ZNF597: variants seen among roughly 807,000 people sequenced by gnomAD.
The protein encoded by ZNF597 is zinc finger protein 597.
In ZNF597, 5 loss-of-function variants were observed where a neutral mutation model predicts 7.3. The ratio of observed to expected loss-of-function variants is 0.68; its 90% confidence interval spans 0.36 to 1.44. The LOEUF (loss-of-function observed/expected upper bound fraction) is 1.44, where lower values mean the gene tolerates loss of function less well. Ranked by LOEUF, ZNF597 falls within the 40% of genes most tolerant of loss-of-function variation. The pLI, the probability that ZNF597 is intolerant of heterozygous loss-of-function variation, is 0.04. For synonymous variants in ZNF597, 209 were observed against 185.4 expected (o/e 1.13, Z -1.04); for missense variants, 585 against 517.9 (o/e 1.13, Z -1.26).
Position 3,436,987 on chromosome 16 carries a change from TCTC to T in ZNF597, c.709_711del (p.Glu237del). 6.2e-7 allele frequency: 1 copy of T among 1,614,214 alleles called. No homozygotes were observed. The highest frequency in any genetic ancestry group is 8.5e-7 in the Non-Finnish European group (1 of 1,180,044). ...CCACATATGCTACATGTATAGGGCT[TCTC>T]CTTTACGTGGCTATTCATGTGTCGG... On this transcript the variant is annotated inframe_deletion, in exon 4 of 4. Transcript: ENST00000301744.
chr16:3,433,688 C>T lies in ZNF597; in HGVS notation c.*2736G>A, dbSNP rs2034274441. 1 of 152,192 alleles carries T rather than the reference C, an allele frequency of 6.6e-6. No individual in the cohort carries two copies. The highest frequency in any genetic ancestry group is 2.4e-5 in the African/African-American group (1 of 41,450). The allele number at this position is 152,192 out of a possible 1,614,324, so 9.4% of individuals were successfully genotyped here. A position where few individuals can be genotyped will look rare whatever the true frequency, so the allele number is the denominator to read the frequency against. On this transcript the variant is annotated 3_prime_UTR_variant, in exon 4 of 4. Coordinates refer to ENST00000301744, the MANE Select transcript of ZNF597 (RefSeq NM_152457.3). ...TCATCATAAAAAGCCTGAAGCTCAC[C>T]AGCAGATATATCTTTTCCTTCAATT...
rs2034368516 is a variant in ZNF597, at chr16:3,441,427, C to T, written c.34-494G>A. Among the ~76,000 whole-genome samples, 3 of 152,170 alleles carry T rather than the reference C, an allele frequency of 2.0e-5. No individual in the cohort carries two copies. In the South Asian group the frequency reaches 6.2e-4, roughly 32 times the overall value. On this transcript the variant is annotated intron_variant, in intron 2 of 3. Coordinates refer to ENST00000301744, the MANE Select transcript of ZNF597 (RefSeq NM_152457.3). ...TAAGGCTGGGCACAGTGGCTCACGCCTGTAACCCCAGCACTTTGGAAGGTG... is the reference window on the plus strand; with the variant it reads ...TAAGGCTGGGCACAGTGGCTCACGCTTGTAACCCCAGCACTTTGGAAGGTG...
At chr16:3,440,404 G>C (rs922887856) in intron 3 of ZNF597, among the ~76,000 whole-genome samples, 1 of 152,196 alleles carries the variant, frequency 6.6e-6, no homozygotes, top group Non-Finnish European at 1.5e-5. Context: ...GGGAGGCCGA[G>C]GCGGGTGATC....
In ZNF597 at chr16:3,437,263, C is replaced by A; in HGVS notation, c.436G>T (p.Asp146Tyr). 1 of 1,614,184 alleles carries A rather than the reference C, an allele frequency of 6.2e-7. No homozygotes were observed. The highest frequency in any genetic ancestry group is 1.1e-5 in the South Asian group (1 of 91,086). The change falls in exon 4 of 4, where the codon GAT becomes TAT. Residue 146 changes from aspartate to tyrosine, a missense_variant. Asp to Tyr is a radical substitution (Grantham distance 160). Coordinates refer to ENST00000301744, the MANE Select transcript of ZNF597 (RefSeq NM_152457.3). The stretch of plus-strand genomic sequence containing the variant: ...TTTTTGGCTCCTTCCCAGGGAGAAT[C>A]AAGAATTTCAGAAAGTGTGTTGGTT... ...LGTNTLSEIL[D>Y]SPWEGAKNVY...
At chr16:3,443,300 C>A (rs559596695) in intron 1 of ZNF597, 60 bp downstream of exon 1, 19 of 762,168 alleles carry the variant, frequency 2.5e-5, no homozygotes, top group East Asian at 1.2e-4. Context: ...CGAACCCCCC[C>A]TTAAAAACCT....
chr16:3,437,069 T>C lies in ZNF597; in HGVS notation c.630A>G (p.Lys210=), dbSNP rs1285220265. The stretch of plus-strand genomic sequence containing the variant: ...CACTGCACTTGGCACACTTATAAGG[T>C]TTCTCACCAGTATGGATTCTCCTGT... The part of the protein sequence containing the change: ...RTHRRIHTGE[K]PYKCAKCSAS... The change falls in exon 4 of 4, where the codon AAA becomes AAG. Residue 210 remains lysine, a synonymous_variant. Transcript: ENST00000301744. The C allele has an allele frequency of 6.2e-7, 1 of 1,614,000 alleles. No individual in the cohort carries two copies. Among genetic ancestry groups the C allele is most frequent in the Non-Finnish European group, 8.5e-7 (1 of 1,180,034 alleles).
intron 2 of ZNF597, among the ~76,000 whole-genome samples, chr16:3,442,446 C>A (rs912020086): frequency 2.0e-5 from 3 of 152,116 alleles, no homozygotes; most frequent in African/African-American, 7.2e-5. Context: ...GAGACCGAGG[C>A]GGGCGGATCA....
chr16:3,439,384 A>G (rs1188796338), intron 3 of ZNF597, among the ~76,000 whole-genome samples: 1 of 150,968 alleles, frequency 6.6e-6, no homozygotes, highest in Non-Finnish European at 1.5e-5. Flanking sequence ...TACTGTATCA[A>G]AAAAAAAATA....
At chr16:3,438,164 T>G (rs558226382) in intron 3 of ZNF597, among the ~76,000 whole-genome samples, 1 of 150,114 alleles carries the variant, frequency 6.7e-6, no homozygotes, top group Non-Finnish European at 1.5e-5. Context: ...CTCAGGAGTT[T>G]GAGATGTGCC....
intron 2 of ZNF597, among the ~76,000 whole-genome samples, chr16:3,442,324 TG>T (rs35574584): frequency 0.24 from 36,174 of 151,950 alleles, 4,393 homozygotes; most frequent in African/African-American, 0.28. Context: ...GGAGCCGAGG[TG>T]GGAGGATAGC....
chr16:3,437,127 T>C lies in ZNF597; in HGVS notation c.572A>G (p.Lys191Arg). ...EKKHKCGDCG[K>R]IFNHRANLRT... Reference sequence around the variant, plus strand: ...CAGGTTGGCTCTATGATTGAAGATCTTTCCACAGTCACCACATTTATGTTT... The same window carrying C: ...CAGGTTGGCTCTATGATTGAAGATCCTTCCACAGTCACCACATTTATGTTT... The change falls in exon 4 of 4, where the codon AAG becomes AGG. Residue 191 changes from lysine to arginine, a missense_variant. By Grantham distance (26) the Lys-to-Arg change is conservative. Coordinates refer to ENST00000301744, the MANE Select transcript of ZNF597 (RefSeq NM_152457.3). The C allele has an allele frequency of 6.2e-7, 1 of 1,614,208 alleles. No homozygotes were observed. Among genetic ancestry groups the C allele is most frequent in the Non-Finnish European group, 8.5e-7 (1 of 1,180,026 alleles).
chr16:3,442,767 T>C (rs1189682061), intron 2 of ZNF597, among the ~76,000 whole-genome samples: 1 of 151,676 alleles, frequency 6.6e-6, no homozygotes, highest in African/African-American at 2.4e-5. Context: ...AAGGATTCCC[T>C]GAGTTCCAGA....
At chr16:3,441,682 G>A (rs567690880) in intron 2 of ZNF597, among the ~76,000 whole-genome samples, 14 of 151,032 alleles carry the variant, frequency 9.3e-5, no homozygotes, top group East Asian at 2.0e-4. Context: ...GTAAAACTCC[G>A]TCTCAAGCAG....
At chr16:3,441,159 G>A (rs992458412) in intron 2 of ZNF597, among the ~76,000 whole-genome samples, 7 of 152,184 alleles carry the variant, frequency 4.6e-5, no homozygotes, top group African/African-American at 1.7e-4. Context: ...GTACAAGGAC[G>A]GTGGACTGTG....
chr16:3,437,952 G>A (rs1039293710), intron 3 of ZNF597, among the ~76,000 whole-genome samples: 1 of 152,138 alleles, frequency 6.6e-6, no homozygotes, highest in African/African-American at 2.4e-5. Context: ...AGAGGGGTTG[G>A]GCAGTGTCTC....
chr16:3,440,726 A>G (rs573671494), intron 3 of ZNF597, 81 bp downstream of exon 3: 1 of 1,562,892 alleles, frequency 6.4e-7, no homozygotes, highest in Non-Finnish European at 8.7e-7. Flanking sequence ...CCACTCCACC[A>G]TACCAACATC....
chr16:3,432,542 T>A lies in ZNF597; in HGVS notation c.*3882A>T, dbSNP rs182864911. 12 of 152,196 alleles carry A rather than the reference T, an allele frequency of 7.9e-5. No individual in the cohort carries two copies. Among genetic ancestry groups the A allele is most frequent in the Middle Eastern group, 3.4e-3 (1 of 294 alleles). 9.4% of individuals were successfully genotyped at this position (152,196 alleles called of 1,614,324 possible). On this transcript the variant is annotated 3_prime_UTR_variant, in exon 4 of 4. Transcript: ENST00000301744. ...GTCAAAAAGAGTAAGACCCAAAACA[T>A]TGAATAAACAGTATAAGTGTATACA...
At chr16:3,437,658 C>T in intron 3 of ZNF597, 120 bp from the exon 4 acceptor site, 1 of 1,413,396 alleles carries the variant, frequency 7.1e-7, no homozygotes. Flanking sequence ...TATTCTATAA[C>T]CCAGACACTA....
chr16:3,434,810 C>T lies in ZNF597; in HGVS notation c.*1614G>A, dbSNP rs978860797. 1.3e-5 allele frequency: 2 copies of T among 152,166 alleles called. No homozygotes were observed. Among genetic ancestry groups the T allele is most frequent in the Non-Finnish European group, 1.5e-5 (1 of 68,018 alleles). 9.4% of individuals were successfully genotyped at this position (152,166 alleles called of 1,614,324 possible). Reference sequence around the variant, plus strand: ...CCAGCAAAAATTCCCAGCAACAATTCAATTTTAGCAAATATTGTACTTTTA... The same window carrying T: ...CCAGCAAAAATTCCCAGCAACAATTTAATTTTAGCAAATATTGTACTTTTA... On this transcript the variant is annotated 3_prime_UTR_variant, in exon 4 of 4. Transcript: ENST00000301744.
Sources: allele counts gnomAD v4.1 joint callset (sites outside exome capture counted in the v4.1 genomes callset), GRCh38; gene constraint gnomAD v4.1.1; transcripts MANE v1.5; gene names NCBI Gene and HGNC (gene_info 2026-07-23, HGNC 2026-07-21).